The following JAK1 variants were observed in gnomAD, a reference collection of about 807,000 sequenced individuals.
The protein encoded by JAK1 is tyrosine-protein kinase JAK1.
Under a neutral mutation model 136.6 loss-of-function variants are expected in JAK1, and 16 were observed. That is an observed-to-expected ratio of 0.12 (90% CI 0.08 to 0.18). The LOEUF is 0.18. Ranked by LOEUF, JAK1 falls within the 10% of genes least tolerant of loss-of-function variation. The probability of loss-of-function intolerance (pLI) is 1.00; values close to 1 mark genes in which losing one functional copy is unlikely to be tolerated. For synonymous variants in JAK1, 492 were observed against 519.5 expected (o/e 0.95, Z 0.72); for missense variants, 859 against 1,450.1 (o/e 0.59, Z 6.62).
At chr1:64,936,852 A>G (rs1338871810) in intron 1 of JAK1, among the ~76,000 whole-genome samples, 1 of 152,194 alleles carries the variant, frequency 6.6e-6, no homozygotes, top group African/African-American at 2.4e-5. Context: ...CCAATGTGAC[A>G]GCAGAAAACA....
chr1:64,967,524 T>TGCA (rs1377619425), upstream of JAK1, among the ~76,000 whole-genome samples: 1 of 152,192 alleles, frequency 6.6e-6, no homozygotes, highest in Non-Finnish European at 1.5e-5. Context: ...TCCGAGGCCG[T>TGCA]GCACGGTCAG....
intron 2 of JAK1, among the ~76,000 whole-genome samples, chr1:65,041,822 T>C (rs1647136715): frequency 6.6e-6 from 1 of 152,196 alleles, no homozygotes; most frequent in Admixed American, 6.5e-5. Context: ...GTGGATCACC[T>C]GAGTTCAGGA....
intron 2 of JAK1, among the ~76,000 whole-genome samples, chr1:65,040,442 T>C (rs1396456631): frequency 2.0e-5 from 3 of 152,128 alleles, no homozygotes; most frequent in Admixed American, 6.5e-5. Flanking sequence ...AACCCTGTGA[T>C]TACCCTGACC....
At chr1:64,924,315 T>C (rs75587305) in intron 1 of JAK1, among the ~76,000 whole-genome samples, 3,765 of 152,300 alleles carry the variant, frequency 0.025, 152 homozygotes, top group African/African-American at 0.087. Context: ...TTACAGGTTC[T>C]AGGTTCAGAA....
rs536794068 is a variant in JAK1, at chr1:64,932,328, G to A, written c.-78+34005C>T. On this transcript the variant is annotated intron_variant, in intron 1 of 24. Coordinates refer to ENST00000342505, the MANE Select transcript of JAK1 (RefSeq NM_002227.4). The stretch of plus-strand genomic sequence containing the variant: ...CTTGGGAGGCTGAGGCAGGAGAATC[G>A]CTTGAACCAGGGAGTCGGATGTTGC... Among the ~76,000 whole-genome samples the A allele has an allele frequency of 2.4e-4, 37 of 152,234 alleles. 1 individual carries two copies. The East Asian group carries it at 6.2e-3, about 25-fold the overall frequency.
chr1:64,858,719 G>C (rs1175314510), intron 9 of JAK1, among the ~76,000 whole-genome samples: 1 of 152,150 alleles, frequency 6.6e-6, no homozygotes, highest in Non-Finnish European at 1.5e-5. Flanking sequence ...GGGAGGTGAG[G>C]GTAGTCAGAC....
At position 64,902,435 on chromosome 1, in the gene JAK1, C is replaced by T. The variant is rs186023613; in HGVS notation, c.-77-16094G>A. On this transcript the variant is annotated intron_variant, in intron 1 of 24. Coordinates refer to ENST00000342505, the MANE Select transcript of JAK1 (RefSeq NM_002227.4). The stretch of plus-strand genomic sequence containing the variant: ...GGGAAATGTTTCAACCCTTCACTCA[C>T]CCACTTGCTCTCTCAACAAAGAGTT... Among the ~76,000 whole-genome samples the T allele has an allele frequency of 3.5e-4, 54 of 152,166 alleles. 1 individual carries two copies. The highest frequency in any genetic ancestry group is 1.3e-3 in the African/African-American group (52 of 41,480).
intron 1 of JAK1, among the ~76,000 whole-genome samples, chr1:64,950,903 T>C (rs751043983): frequency 2.0e-5 from 3 of 152,226 alleles, no homozygotes; most frequent in Non-Finnish European, 4.4e-5. Flanking sequence ...GCAAGTCACT[T>C]AAACACTCTG....
At chr1:64,907,639 G>C (rs1327964100) in intron 1 of JAK1, among the ~76,000 whole-genome samples, 1 of 151,950 alleles carries the variant, frequency 6.6e-6, no homozygotes, top group Admixed American at 6.6e-5. Context: ...AACATGCATG[G>C]CACAAGTTTA....
At chr1:65,059,593 C>T (rs947078857) in intron 1 of JAK1, among the ~76,000 whole-genome samples, 1 of 152,128 alleles carries the variant, frequency 6.6e-6, no homozygotes, top group Admixed American at 6.6e-5. Context: ...TTTAAATTAT[C>T]TGTACCTTTG....
In JAK1 at chr1:64,846,708, C is replaced by A; in HGVS notation, c.1928G>T (p.Arg643Ile). The part of the protein sequence containing the change: ...LAFFEAASMM[R>I]QVSHKHIVYL... ...CACGATGTGTTTGTGGGAGACCTGT[C>A]TCATCATGCTGGCTGCCTCGAAGAA... Residue 643 changes from arginine (R) to isoleucine (I), a missense_variant, in exon 14 of 25, where the codon AGA (arginine) becomes ATA (isoleucine). Around this residue, in one of 4 missense-constraint regions of JAK1, gnomAD observed 409 missense variants for 753.8 expected, o/e 0.54. Transcript: ENST00000342505. 1 of 1,614,102 alleles carries A rather than the reference C, an allele frequency of 6.2e-7. No homozygotes were observed. Among genetic ancestry groups the A allele is most frequent in the African/African-American group, 1.3e-5 (1 of 75,050 alleles).
chr1:65,014,785 C>T (rs868515670), intron 2 of JAK1, among the ~76,000 whole-genome samples: 12 of 151,686 alleles, frequency 7.9e-5, no homozygotes, highest in African/African-American at 2.4e-4. Context: ...CCCGGGTTCA[C>T]GCCATTCTCC....
chr1:64,870,358 T>C (rs956475601), intron 5 of JAK1, among the ~76,000 whole-genome samples: 1 of 152,188 alleles, frequency 6.6e-6, no homozygotes, highest in Non-Finnish European at 1.5e-5. Context: ...TTATTCTAGG[T>C]GCTAGGGAAA....
intron 14 of JAK1, among the ~76,000 whole-genome samples, chr1:64,846,191 A>T (rs1041757293): frequency 1.3e-5 from 2 of 152,146 alleles, no homozygotes; most frequent in African/African-American, 2.4e-5. Flanking sequence ...CTCAGTGTGC[A>T]GCAGCAGCCC....
At chr1:64,855,786 A>G in intron 10 of JAK1, 88 bp from the exon 11 acceptor site, 1 of 1,106,094 alleles carries the variant, frequency 9.0e-7, no homozygotes, top group East Asian at 2.6e-5. Context: ...AGCTGCATGA[A>G]GAGTAATTTT....
chr1:64,942,615 A>G (rs1645910498), intron 1 of JAK1, among the ~76,000 whole-genome samples: 1 of 152,242 alleles, frequency 6.6e-6, no homozygotes, highest in Non-Finnish European at 1.5e-5. Flanking sequence ...TAGTTCAAGT[A>G]TTCAACATTA....
intron 21 of JAK1, 131 bp from the exon 22 acceptor site, chr1:64,838,235 T>C: frequency 9.9e-7 from 1 of 1,011,786 alleles, no homozygotes; most frequent in Non-Finnish European, 1.4e-6. Flanking sequence ...GTTCTGACTT[T>C]TATGCAAGAA....
chr1:64,884,109 G>A (rs911508361), intron 2 of JAK1, among the ~76,000 whole-genome samples: 3 of 152,146 alleles, frequency 2.0e-5, no homozygotes, highest in Admixed American at 2.0e-4. Flanking sequence ...CACCCCAGGA[G>A]GAGCGGCAGG....
chr1:65,064,269 C>T (rs1647945721), intron 1 of JAK1, among the ~76,000 whole-genome samples: 1 of 152,118 alleles, frequency 6.6e-6, no homozygotes, highest in African/African-American at 2.4e-5. Flanking sequence ...TCTTCCTCAC[C>T]CTAGCCATAT....
Sources: allele counts gnomAD v4.1 joint callset (sites outside exome capture counted in the v4.1 genomes callset), GRCh38; gene constraint gnomAD v4.1.1; regional missense constraint gnomAD v4.1.1; transcripts MANE v1.5; gene names NCBI Gene and HGNC (gene_info 2026-07-23, HGNC 2026-07-21).